Variants in MAP3K4 observed in about 807,000 individuals in gnomAD.
MAP3K4 encodes the protein mitogen-activated protein kinase kinase kinase 4, also known as MAP three kinase 1.
MAP3K4 carries 67 observed loss-of-function variants against 185.6 expected under a neutral mutation model. That is an observed-to-expected ratio of 0.36 (90% CI 0.30 to 0.44). The LOEUF is 0.44. MAP3K4 is among the 20% of genes least tolerant of loss of function. The pLI is 1.00. For synonymous variants in MAP3K4, 702 were observed against 710.4 expected, an observed-to-expected ratio of 0.99 and a Z score of 0.19; for missense variants, 1,551 against 1,995.1, an observed-to-expected ratio of 0.78 and a Z score of 4.24.
In MAP3K4 at chr6:161,091,667, T is replaced by C. The variant is rs1777318645; in HGVS notation, c.3135+127T>C. ...TAGCTTAATCAAGAATATCATCTTA[T>C]ATCACTGCTGTATATCAGAGATGTT... On this transcript the variant is annotated intron_variant, in intron 12 of 26. Transcript: ENST00000392142. The surrounding 1 kb of genome is among the most constrained non-coding windows in gnomAD (Gnocchi z 5.5). 3.7e-6 allele frequency: 3 copies of C among 810,156 alleles called. No individual in the cohort carries two copies. Among genetic ancestry groups the C allele is most frequent in the East Asian group, 2.6e-5 (1 of 38,046 alleles). 50.2% of individuals were successfully genotyped at this position (810,156 alleles called of 1,614,324 possible).
chr6:160,999,515 TTTC>T lies in MAP3K4; in HGVS notation c.152+7433_152+7435del, dbSNP rs1461512403. Among the ~76,000 whole-genome samples, 3 of 152,224 alleles carry T rather than the reference TTTC, an allele frequency of 2.0e-5. No individual in the cohort carries two copies. In the East Asian group the frequency reaches 5.8e-4, roughly 29 times the overall value. The stretch of plus-strand genomic sequence containing the variant: ...CAGATGGTAGGACGCTTAGTGTTCA[TTTC>T]ATCCAACTTCCTAGCCATTGCTTAT... On this transcript the variant is annotated intron_variant, in intron 1 of 26. Transcript: ENST00000392142.
In MAP3K4 at chr6:161,048,870, G is replaced by T. The variant is rs1161086805; in HGVS notation, c.598G>T (p.Val200Leu). The T allele has an allele frequency of 6.2e-7, 1 of 1,614,172 alleles. No homozygotes were observed. The highest frequency in any genetic ancestry group is 1.1e-5 in the South Asian group (1 of 91,086). Residue 200 changes from valine to leucine, a missense_variant, in exon 3 of 27, where the codon GTA becomes TTA. Coordinates refer to ENST00000392142, the MANE Select transcript of MAP3K4 (RefSeq NM_005922.4). The surrounding 1 kb of genome is among the most constrained non-coding windows in gnomAD (Gnocchi z 4.7). ...TGGCTGTAGCAATGCTAAGCTTCCA[G>T]TATCTGTGCCCATGCCTATAGCCAG... ...SLGCSNAKLP[V>L]SVPMPIARPA...
At position 161,049,532 on chromosome 6, in the gene MAP3K4, A is replaced by G. The variant is rs1328682401; in HGVS notation, c.1260A>G (p.Ser420=). The change falls in exon 3 of 27, where the codon TCA becomes TCG. Residue 420 remains serine, a synonymous_variant. Coordinates refer to ENST00000392142, the MANE Select transcript of MAP3K4 (RefSeq NM_005922.4). This position sits in a 1 kb window ranked among gnomAD's most constrained non-coding sequence, Gnocchi z 8.4. ...CTGTTTTGGGCATCAAGAATTTATC[A>G]GACATTGGCTGGCCAGTGTTTGAAA... ...MGTVLGIKNL[S]DIGWPVFEIP... is the part of the protein sequence containing the mutation. The G allele has an allele frequency of 1.9e-6, 3 of 1,614,080 alleles. No homozygotes were observed. The highest frequency in any genetic ancestry group is 1.1e-5 in the South Asian group (1 of 91,086).
chr6:161,078,289 G>A (rs1203460292), intron 5 of MAP3K4, among the ~76,000 whole-genome samples: 4 of 152,210 alleles, frequency 2.6e-5, no homozygotes, highest in African/African-American at 9.6e-5. Context: ...GGGGGAATGG[G>A]ATGGTTAGGC....
rs1045571308 is a variant in MAP3K4, at chr6:161,114,772, A to G, written c.4627-351A>G. On this transcript the variant is annotated intron_variant, in intron 25 of 26. Transcript: ENST00000392142. The surrounding 1 kb of genome is among the most constrained non-coding windows in gnomAD (Gnocchi z 4.3). ...TAGACTTTTTTATGTCATTTTATAT[A>G]TTTTTTAGTTGCATGATGATGGCTT... is the stretch of plus-strand genomic sequence containing the variant. Among the ~76,000 whole-genome samples, 9 of 152,240 alleles carry G rather than the reference A, an allele frequency of 5.9e-5. No homozygotes were observed. Among genetic ancestry groups the G allele is most frequent in the Admixed American group, 5.9e-4 (9 of 15,294 alleles).
Position 161,089,854 on chromosome 6 carries a change from T to G in MAP3K4, c.2973+383T>G, listed in dbSNP as rs546537656. ...TATCAGCAGTGTGTAATAGAAGATT[T>G]ATTTATTGTTTTGTTTAATAAATAA... On this transcript the variant is annotated intron_variant, in intron 11 of 26. Coordinates refer to ENST00000392142, the MANE Select transcript of MAP3K4 (RefSeq NM_005922.4). 2.6e-4 allele frequency among the ~76,000 whole-genome samples: 39 copies of G among 152,362 alleles called. No individual in the cohort carries two copies. The South Asian group carries it at 7.5e-3, about 29-fold the overall frequency.
intron 5 of MAP3K4, among the ~76,000 whole-genome samples, chr6:161,079,463 GC>G (rs1785340018): frequency 6.6e-6 from 1 of 152,028 alleles, no homozygotes. Context: ...TGTAATCCCA[GC>G]TACTCAGGAG....
chr6:161,025,962 G>A (rs1488843113), intron 1 of MAP3K4, among the ~76,000 whole-genome samples: 2 of 152,130 alleles, frequency 1.3e-5, no homozygotes, highest in Non-Finnish European at 2.9e-5. Context: ...GAATCATGAT[G>A]TTTATTTTTT....
At chr6:161,038,033 TTC>T (rs1300472657) in intron 2 of MAP3K4, among the ~76,000 whole-genome samples, 1 of 152,156 alleles carries the variant, frequency 6.6e-6, no homozygotes, top group East Asian at 1.9e-4. Context: ...TTTCATCCTC[TTC>T]CTTTCTTTTC....
intron 1 of MAP3K4, among the ~76,000 whole-genome samples, chr6:161,014,388 C>G (rs1781986591): frequency 6.6e-6 from 1 of 152,172 alleles, no homozygotes; most frequent in African/African-American, 2.4e-5. Context: ...AGTAGGTTTG[C>G]TTTCCTTTCA....
chr6:160,992,181 G>A (rs1780746437), intron 1 of MAP3K4, 98 bp downstream of exon 1: 5 of 1,393,634 alleles, frequency 3.6e-6, no homozygotes, highest in Non-Finnish European at 4.6e-6. Flanking sequence ...CGCCAGGTGG[G>A]GAGGGAAGCA....
chr6:161,088,951 TTCTG>T lies in MAP3K4; in HGVS notation c.2824-367_2824-364del, dbSNP rs767431568. On this transcript the variant is annotated intron_variant, in intron 10 of 26. Coordinates refer to ENST00000392142, the MANE Select transcript of MAP3K4 (RefSeq NM_005922.4). This position sits in a 1 kb window ranked among gnomAD's most constrained non-coding sequence, Gnocchi z 4.5. ...TTTTATATAAGGCCCCTCATCTTATTTCTGTCTTATTCCTACATTTTCCTTCTTC... is the reference window on the plus strand; with the variant it reads ...TTTTATATAAGGCCCCTCATCTTATTTCTTATTCCTACATTTTCCTTCTTC... Among the ~76,000 whole-genome samples the T allele has an allele frequency of 4.6e-5, 7 of 152,168 alleles. No individual in the cohort carries two copies. The highest frequency in any genetic ancestry group is 7.3e-5 in the Non-Finnish European group (5 of 68,030).
intron 3 of MAP3K4, among the ~76,000 whole-genome samples, chr6:161,059,558 T>C (rs1392200841): frequency 6.6e-6 from 1 of 152,226 alleles, no homozygotes; most frequent in Non-Finnish European, 1.5e-5. Flanking sequence ...CTTTCTATTA[T>C]TGATCTGTTG....
rs1778576453 is a variant in MAP3K4, at chr6:161,116,012, C to T, written c.4806+710C>T. Among the ~76,000 whole-genome samples, 1 of 152,262 alleles carries T rather than the reference C, an allele frequency of 6.6e-6. No homozygotes were observed. Among genetic ancestry groups the T allele is most frequent in the South Asian group, 2.1e-4 (1 of 4,832 alleles). On this transcript the variant is annotated intron_variant, in intron 26 of 26. Transcript: ENST00000392142. The surrounding 1 kb of genome is among the most constrained non-coding windows in gnomAD (Gnocchi z 6.2). The stretch of plus-strand genomic sequence containing the variant: ...CAAAGGAATTGAGAAGGTTCTGATA[C>T]AGCCAAGGGGTTGGGAGAGGGCGTT...
rs1778126014 is a variant in MAP3K4 at position 161,107,264 on chromosome 6, C to A, written c.4048+559C>A. On this transcript the variant is annotated intron_variant, in intron 20 of 26. Coordinates refer to ENST00000392142, the MANE Select transcript of MAP3K4 (RefSeq NM_005922.4). The surrounding 1 kb of genome is among the most constrained non-coding windows in gnomAD (Gnocchi z 6.2). Reference sequence around the variant, plus strand: ...CACTTAAATATATTTATCTGTCACACATCTAGGTCTGAAGGGGGCGAACAC... The same window carrying A: ...CACTTAAATATATTTATCTGTCACAAATCTAGGTCTGAAGGGGGCGAACAC... Among the ~76,000 whole-genome samples the A allele has an allele frequency of 6.6e-6, 1 of 152,132 alleles. No individual in the cohort carries two copies. Among genetic ancestry groups the A allele is most frequent in the South Asian group, 2.1e-4 (1 of 4,826 alleles).
At chr6:161,092,833 T>A in intron 13 of MAP3K4, 145 bp from the exon 14 acceptor site, 2 of 496,182 alleles carry the variant, frequency 4.0e-6, no homozygotes, top group South Asian at 8.2e-5. Context: ...AAGGTCACGC[T>A]GTAAACTTAC....
rs1778600154 is a variant in MAP3K4, at chr6:161,116,618, T to C, written c.4807-232T>C. ...ATTTATATTGACCTGAGAGTGCATATAGGCGTTTTAGAAAATGCTTTCATT... is the reference window on the plus strand; with the variant it reads ...ATTTATATTGACCTGAGAGTGCATACAGGCGTTTTAGAAAATGCTTTCATT... On this transcript the variant is annotated intron_variant, in intron 26 of 26. Coordinates refer to ENST00000392142, the MANE Select transcript of MAP3K4 (RefSeq NM_005922.4). The surrounding 1 kb of genome is among the most constrained non-coding windows in gnomAD (Gnocchi z 6.2). Among the ~76,000 whole-genome samples, 1 of 152,210 alleles carries C rather than the reference T, an allele frequency of 6.6e-6. No individual in the cohort carries two copies. The highest frequency in any genetic ancestry group is 2.4e-5 in the African/African-American group (1 of 41,444).
chr6:161,098,327 GC>G lies in MAP3K4; in HGVS notation c.3575del (p.Ala1192ValfsTer47), dbSNP rs761774143. The G allele has an allele frequency of 6.6e-7, 1 of 1,509,736 alleles. No individual in the cohort carries two copies. The highest frequency in any genetic ancestry group is 9.1e-7 in the Non-Finnish European group (1 of 1,100,316). 93.5% of individuals were successfully genotyped at this position (1,509,736 alleles called of 1,614,324 possible). A position where few individuals can be genotyped will look rare whatever the true frequency, so the allele number is the denominator to read the frequency against. ...DARSHGSPAAAAAAAAAAVAA... is the reference protein window; with the variant it reads ...DARSHGSPAAXAAAAAAAVAA... ...GCGGAGCCATGGCAGCCCTGCTGCTGCTGCTGCTGCTGCTGCTGCTGCTGTT... is the reference window on the plus strand; with the variant it reads ...GCGGAGCCATGGCAGCCCTGCTGCTGTGCTGCTGCTGCTGCTGCTGCTGTT... On this transcript the variant is annotated frameshift_variant, in exon 17 of 27. Transcript: ENST00000392142. LOFTEE classifies it high-confidence loss of function. The surrounding 1 kb of genome is among the most constrained non-coding windows in gnomAD (Gnocchi z 4.4).
rs1778533139 is a variant in MAP3K4 at position 161,115,062 on chromosome 6, A to T, written c.4627-61A>T. On this transcript the variant is annotated intron_variant, in intron 25 of 26. Coordinates refer to ENST00000392142, the MANE Select transcript of MAP3K4 (RefSeq NM_005922.4). This position sits in a 1 kb window ranked among gnomAD's most constrained non-coding sequence, Gnocchi z 6.0. Reference sequence around the variant, plus strand: ...TGAGATGCTTAAAAACAGACTGAACATTTGCGTTGTTTGTGGCTGTGTAAT... The same window carrying T: ...TGAGATGCTTAAAAACAGACTGAACTTTTGCGTTGTTTGTGGCTGTGTAAT... The T allele has an allele frequency of 7.0e-7, 1 of 1,430,320 alleles. No individual in the cohort carries two copies. The highest frequency in any genetic ancestry group is 2.3e-5 in the East Asian group (1 of 43,664). The allele number at this position is 1,430,320 out of a possible 1,614,324, so 88.6% of individuals were successfully genotyped here. A position where few individuals can be genotyped will look rare whatever the true frequency, so the allele number is the denominator to read the frequency against.
Sources: gnomAD v4.1 joint callset for allele counts (sites outside exome capture counted in the v4.1 genomes callset) on GRCh38, gnomAD v4.1.1 for gene constraint, Gnocchi (gnomAD v3.1) non-coding constraint, MANE v1.5 for transcripts, NCBI Gene and HGNC (gene_info 2026-07-23, HGNC 2026-07-21) for gene names.